The following GPC6 variants were observed in gnomAD, a reference collection of about 807,000 sequenced individuals.
The protein encoded by GPC6 is glypican 6, also known as glypican-6.
GPC6 carries 14 observed loss-of-function variants against 55.2 expected under a neutral mutation model. That is an observed-to-expected ratio of 0.25 (90% CI 0.17 to 0.40). The LOEUF (loss-of-function observed/expected upper bound fraction) is 0.40, where lower values mean the gene tolerates loss of function less well. GPC6 is among the 10% of genes least tolerant of loss of function. The pLI is 1.00. For missense variants in GPC6, 641 were observed against 708.5 expected (o/e 0.90, Z 1.08); for synonymous variants, 278 against 259.6 (o/e 1.07, Z -0.68).
At chr13:93,416,443 G>T (rs954996935) in intron 1 of GPC6, among the ~76,000 whole-genome samples, 1 of 151,854 alleles carries the variant, frequency 6.6e-6, no homozygotes, top group Non-Finnish European at 1.5e-5. Flanking sequence ...TATATTTATG[G>T]GGTATATGAG....
intron 4 of GPC6, among the ~76,000 whole-genome samples, chr13:94,244,131 A>G (rs1891131495): frequency 6.6e-6 from 1 of 152,146 alleles, no homozygotes. Flanking sequence ...CTCTCCTTGC[A>G]TATTTGGGCA....
At chr13:94,244,382 C>G (rs1891138787) in intron 4 of GPC6, among the ~76,000 whole-genome samples, 1 of 152,098 alleles carries the variant, frequency 6.6e-6, no homozygotes, top group African/African-American at 2.4e-5. Context: ...CATGTCTAGC[C>G]TCAGTTTCAC....
intron 1 of GPC6, among the ~76,000 whole-genome samples, chr13:93,272,727 A>G (rs1430850165): frequency 6.6e-6 from 1 of 152,076 alleles, no homozygotes; most frequent in African/African-American, 2.4e-5. Context: ...ATATTCATCT[A>G]TTTTATCACT....
chr13:93,379,150 C>T (rs1875050508), intron 1 of GPC6, among the ~76,000 whole-genome samples: 1 of 152,126 alleles, frequency 6.6e-6, no homozygotes, highest in Non-Finnish European at 1.5e-5. Flanking sequence ...TTCTCCTGGG[C>T]TTAGGTAATC....
chr13:93,758,654 T>A (rs1014843363), intron 2 of GPC6, among the ~76,000 whole-genome samples: 2 of 151,970 alleles, frequency 1.3e-5, no homozygotes, highest in Non-Finnish European at 2.9e-5. Flanking sequence ...TTTTTCCTTC[T>A]TAAGAATGCC....
At chr13:93,557,013 T>G (rs1166629550) in intron 2 of GPC6, among the ~76,000 whole-genome samples, 1 of 152,172 alleles carries the variant, frequency 6.6e-6, no homozygotes, top group Non-Finnish European at 1.5e-5. Flanking sequence ...GTTAAAGGAT[T>G]AAAATGACTT....
chr13:93,937,349 C>G (rs1030015576), intron 3 of GPC6, among the ~76,000 whole-genome samples: 1 of 152,146 alleles, frequency 6.6e-6, no homozygotes, highest in East Asian at 1.9e-4. Context: ...CCTTTAAACA[C>G]GCACAGTCAG....
chr13:94,370,685 T>C (rs1009087051), intron 6 of GPC6, among the ~76,000 whole-genome samples: 14 of 152,344 alleles, frequency 9.2e-5, no homozygotes, highest in South Asian at 4.1e-4. Context: ...TGAGTCCCTG[T>C]GCTATAGACT....
At chr13:93,440,282 C>A (rs1293106671) in intron 1 of GPC6, among the ~76,000 whole-genome samples, 1 of 152,192 alleles carries the variant, frequency 6.6e-6, no homozygotes, top group Admixed American at 6.5e-5. Context: ...TGGGCAATTA[C>A]AGGCGAGAGT....
intron 2 of GPC6, among the ~76,000 whole-genome samples, chr13:93,749,492 G>T (rs1035705414): frequency 1.3e-5 from 2 of 151,586 alleles, no homozygotes; most frequent in Admixed American, 6.6e-5. Flanking sequence ...CTTTTCCTAG[G>T]ATAGGTCTTT....
At chr13:93,963,676 G>A (rs1042268216) in intron 3 of GPC6, among the ~76,000 whole-genome samples, 2 of 152,162 alleles carry the variant, frequency 1.3e-5, no homozygotes, top group Non-Finnish European at 2.9e-5. Flanking sequence ...GGTATCTTTG[G>A]AATTGTTGTG....
At chr13:94,384,448 C>G (rs1383332361) in intron 7 of GPC6, among the ~76,000 whole-genome samples, 1 of 152,184 alleles carries the variant, frequency 6.6e-6, no homozygotes, top group Non-Finnish European at 1.5e-5. Context: ...ACCTTTAAGC[C>G]TTGGCTAACA....
At chr13:93,704,550 C>A in intron 2 of GPC6, among the ~76,000 whole-genome samples, 1 of 151,858 alleles carries the variant, frequency 6.6e-6, no homozygotes, top group Middle Eastern at 3.4e-3. Context: ...AAAGAATTAA[C>A]CCATAGTATA....
intron 3 of GPC6, among the ~76,000 whole-genome samples, chr13:93,903,727 G>A (rs1876485143): frequency 1.3e-5 from 2 of 152,094 alleles, no homozygotes; most frequent in Non-Finnish European, 2.9e-5. Flanking sequence ...GACAGAGGTT[G>A]GGACCTAAGA....
intron 2 of GPC6, among the ~76,000 whole-genome samples, chr13:93,657,760 A>T (rs1880742146): frequency 6.6e-6 from 1 of 152,026 alleles, no homozygotes; most frequent in African/African-American, 2.4e-5. Flanking sequence ...AACAACAAAA[A>T]ACCAAACAAC....
intron 4 of GPC6, among the ~76,000 whole-genome samples, chr13:94,184,297 A>G (rs912175370): frequency 1.3e-5 from 2 of 152,036 alleles, no homozygotes; most frequent in African/African-American, 4.8e-5. Context: ...TAAACCATAG[A>G]GCTTTTGCAC....
In GPC6 at chr13:93,243,563, C is replaced by T. The variant is rs926381574; in HGVS notation, c.160+15947C>T. Among the ~76,000 whole-genome samples the T allele has an allele frequency of 5.3e-5, 8 of 152,246 alleles. No individual in the cohort carries two copies. In the East Asian group the frequency reaches 5.8e-4, roughly 11 times the overall value. On this transcript the variant is annotated intron_variant, in intron 1 of 8. Transcript: ENST00000377047. ...CTCTCCGGTCTCCCAGTGGCAGGTG[C>T]GAGCACCAGCTCTGATGGGGGTGGC...
chr13:93,554,667 G>A (rs1875359368), intron 2 of GPC6, among the ~76,000 whole-genome samples: 1 of 152,246 alleles, frequency 6.6e-6, no homozygotes, highest in East Asian at 1.9e-4. Context: ...ATTGACATGA[G>A]CTCCTGGGGT....
intron 3 of GPC6, among the ~76,000 whole-genome samples, chr13:93,846,595 G>A (rs1167388090): frequency 2.6e-5 from 4 of 152,084 alleles, no homozygotes; most frequent in South Asian, 2.1e-4. Context: ...GGTGGATCAC[G>A]TGATGTCAGG....
Sources: allele counts gnomAD v4.1 joint callset (sites outside exome capture counted in the v4.1 genomes callset), GRCh38; gene constraint gnomAD v4.1.1; transcripts MANE v1.5; gene names NCBI Gene and HGNC (gene_info 2026-07-23, HGNC 2026-07-21).